The following SUGP2 variants were observed in gnomAD, a reference collection of about 807,000 sequenced individuals.
The protein encoded by SUGP2 is SURP and G-patch domain-containing protein 2.
Under a neutral mutation model 90.5 loss-of-function variants are expected in SUGP2, and 24 were observed. The ratio of observed to expected loss-of-function variants is 0.27; its 90% CI spans 0.19 to 0.37. SUGP2 has a LOEUF of 0.37. Among genes scored for constraint, SUGP2 ranks in the 10% least tolerant of loss-of-function variants. The pLI, the probability that SUGP2 is intolerant of heterozygous loss-of-function variation, is 1.00. For missense variants in SUGP2, 1,233 were observed against 1,363.3 expected (o/e 0.90, Z 1.51); for synonymous variants, 473 against 513.4 (o/e 0.92, Z 1.06).
At chr19:18,995,631 G>A (rs997858786) in intron 8 of SUGP2, among the ~76,000 whole-genome samples, 4 of 152,300 alleles carry the variant, frequency 2.6e-5, no homozygotes, top group African/African-American at 7.2e-5. Context: ...GCCCTGTGAT[G>A]ACCACAGGGC....
Position 19,031,190 on chromosome 19 carries a change from C to T in SUGP2, c.-11-108G>A, listed in dbSNP as rs1346108994. ...TGGGAGGTCGAGGTGGGCGGATCAC[C>T]TGAGCTCAGGAGTTCGAGACCAGCC... On this transcript the variant is annotated intron_variant, in intron 1 of 10. Transcript: ENST00000452918. 9.0e-6 allele frequency: 11 copies of T among 1,217,956 alleles called. No individual in the cohort carries two copies. In the East Asian group the frequency reaches 2.6e-4, roughly 29 times the overall value. The allele number at this position is 1,217,956 out of a possible 1,614,324, so 75.4% of individuals were successfully genotyped here. A position where few individuals can be genotyped will look rare whatever the true frequency, so the allele number is the denominator to read the frequency against.
chr19:19,031,651 C>T (rs938666744), intron 1 of SUGP2, among the ~76,000 whole-genome samples: 3 of 151,816 alleles, frequency 2.0e-5, no homozygotes, highest in Non-Finnish European at 4.4e-5. Context: ...TGCAGTGAGC[C>T]GAGATCATGC....
In SUGP2 at chr19:19,025,311, T is replaced by G. The variant is rs1407318559; in HGVS notation, c.1037A>C (p.Lys346Thr). 3 of 1,613,240 alleles carry G rather than the reference T, an allele frequency of 1.9e-6. No homozygotes were observed. The highest frequency in any genetic ancestry group is 1.3e-5 in the African/African-American group (1 of 74,828). The change falls in exon 3 of 11, where the codon AAA becomes ACA. Residue 346 changes from lysine (K) to threonine (T), a missense_variant. This residue lies in a region of SUGP2 where 55 missense variants were observed against 82.0 expected (regional missense o/e 0.67). Coordinates refer to ENST00000452918, the MANE Select transcript of SUGP2 (RefSeq NM_001017392.5). ...AGFHTIKDDI[K>T]FSQLFQTLFE... ...GAGAGTCTGGAAAAGTTGGGAAAAT[T>G]TAATATCATCTTTTATGGTGTGGAA... is the stretch of plus-strand genomic sequence containing the variant.
At chr19:19,016,305 G>A (rs767389557) in intron 4 of SUGP2, among the ~76,000 whole-genome samples, 6 of 151,950 alleles carry the variant, frequency 3.9e-5, no homozygotes, top group Non-Finnish European at 8.8e-5. Context: ...CACCATGCCC[G>A]GCCGCTTATT....
At position 19,010,202 on chromosome 19, in the gene SUGP2, G is replaced by A. The variant is rs1422446164; in HGVS notation, c.1991C>T (p.Ser664Phe). 1 of 1,613,988 alleles carries A rather than the reference G, an allele frequency of 6.2e-7. No homozygotes were observed. Among genetic ancestry groups the A allele is most frequent in the Non-Finnish European group, 8.5e-7 (1 of 1,180,018 alleles). Residue 664 changes from serine (S) to phenylalanine (F), a missense_variant, in exon 5 of 11, where the codon TCC (serine) becomes TTC (phenylalanine). Coordinates refer to ENST00000452918, the MANE Select transcript of SUGP2 (RefSeq NM_001017392.5). The part of the protein sequence containing the change: ...ADCAVRAMLY[S>F]RAVRNLKKKL... ...CTTCTTGAGGTTGCGGACAGCCCGG[G>A]AGTACAGCATGGCCCTCACTGCACA...
chr19:19,016,489 C>A (rs1002354193), intron 4 of SUGP2, among the ~76,000 whole-genome samples: 2 of 152,162 alleles, frequency 1.3e-5, no homozygotes, highest in African/African-American at 4.8e-5. Flanking sequence ...AGCCTAATCA[C>A]CTTATCAACC....
chr19:19,004,667 A>G (rs1375112666), intron 6 of SUGP2, 21 bp from the exon 7 acceptor site: 2 of 1,547,984 alleles, frequency 1.3e-6, no homozygotes, highest in African/African-American at 1.4e-5. Context: ...GAGGAAATAC[A>G]TTGGGTAACC....
intron 4 of SUGP2, among the ~76,000 whole-genome samples, chr19:19,014,526 G>A (rs1458637644): frequency 6.6e-6 from 1 of 152,042 alleles, no homozygotes; most frequent in Admixed American, 6.5e-5. Context: ...TATTAAGGCT[G>A]GACATGATGG....
rs142607612 is a variant in SUGP2 at position 19,010,686 on chromosome 19, C to T, written c.1851-344G>A. Among the ~76,000 whole-genome samples the T allele has an allele frequency of 2.7e-3, 418 of 152,296 alleles. 2 individuals are homozygous for T. The highest frequency in any genetic ancestry group is 9.5e-3 in the African/African-American group (396 of 41,566). On this transcript the variant is annotated intron_variant, in intron 4 of 10. Transcript: ENST00000452918. The stretch of plus-strand genomic sequence containing the variant: ...AATTGACACCTTTTAAATGGCCCAG[C>T]CAGGATGAGTGCTCGGTGAGCTTTT...
chr19:18,994,095 C>T (rs941490549), intron 10 of SUGP2: 35 of 350,312 alleles, frequency 1.0e-4, no homozygotes, highest in Non-Finnish European at 1.7e-4. Context: ...GGCCTGGAGG[C>T]CTTGAGGGGC....
chr19:19,023,258 T>C (rs2058796207), intron 3 of SUGP2, among the ~76,000 whole-genome samples: 1 of 152,216 alleles, frequency 6.6e-6, no homozygotes, highest in African/African-American at 2.4e-5. Flanking sequence ...CCTCTCCAAC[T>C]TTCCAGGCTA....
chr19:19,031,162 C>A (rs2059136016), intron 1 of SUGP2, 80 bp from the exon 2 acceptor site: 2 of 1,487,598 alleles, frequency 1.3e-6, no homozygotes, highest in Non-Finnish European at 1.8e-6. Flanking sequence ...AATCCTGGCA[C>A]TTTGGGAGGT....
intron 4 of SUGP2, among the ~76,000 whole-genome samples, chr19:19,013,175 A>AC (rs1277081707): frequency 6.6e-6 from 1 of 152,138 alleles, no homozygotes; most frequent in African/African-American, 2.4e-5. Context: ...CTCTGGACTT[A>AC]AATGATTTCT....
chr19:19,016,745 T>A (rs2145579237), intron 4 of SUGP2, among the ~76,000 whole-genome samples: 1 of 152,252 alleles, frequency 6.6e-6, no homozygotes, highest in East Asian at 1.9e-4. Flanking sequence ...CCAACGTTGT[T>A]TATGAGGATT....
intron 2 of SUGP2, among the ~76,000 whole-genome samples, chr19:19,029,405 A>C (rs1485745274): frequency 7.1e-6 from 1 of 141,662 alleles, no homozygotes; most frequent in African/African-American, 2.6e-5. Context: ...AAGTGCTAGG[A>C]TTACAGGCTT....
chr19:18,998,936 G>C (rs1236306966), intron 8 of SUGP2: 2 of 152,358 alleles, frequency 1.3e-5, no homozygotes, highest in African/African-American at 4.8e-5. Context: ...GCTGAGATGA[G>C]AAACGGGGCA....
chr19:19,028,667 G>C (rs2059024525), intron 2 of SUGP2, among the ~76,000 whole-genome samples: 1 of 152,170 alleles, frequency 6.6e-6, no homozygotes, highest in South Asian at 2.1e-4. Flanking sequence ...CATACTGCTA[G>C]GTTTCTAGTC....
rs772360400 is a variant in SUGP2 at position 19,010,165 on chromosome 19, C to T, written c.2028G>A (p.Pro676=). ...AVRNLKKKLL[P]WQRRGLLRAQ... ...CACGGAGGAGCCCCCGCCGCTGCCA[C>T]GGAAGGAGTTTCTTCTTGAGGTTGC... Residue 676 remains proline (P), a synonymous_variant, in exon 5 of 11, where the codon CCG becomes CCA. Transcript: ENST00000452918. The T allele has an allele frequency of 3.9e-5, 63 of 1,613,422 alleles. No individual in the cohort carries two copies. The highest frequency in any genetic ancestry group is 8.9e-5 in the East Asian group (4 of 44,864).
intron 1 of SUGP2, among the ~76,000 whole-genome samples, chr19:19,032,463 G>A (rs1257987948): frequency 6.6e-6 from 1 of 152,036 alleles, no homozygotes; most frequent in Non-Finnish European, 1.5e-5. Context: ...CCTGGCCCAG[G>A]ATCACTCTTT....
Sources: gnomAD v4.1 joint callset for allele counts (sites outside exome capture counted in the v4.1 genomes callset) on GRCh38, gnomAD v4.1.1 for gene constraint, gnomAD v4.1.1 regional missense constraint, MANE v1.5 for transcripts, NCBI Gene and HGNC (gene_info 2026-07-23, HGNC 2026-07-21) for gene names.